The following GPC5 variants were observed in gnomAD, a reference collection of about 807,000 sequenced individuals.
The protein encoded by GPC5 is glypican 5.
In GPC5, 47 loss-of-function variants were observed where a neutral mutation model predicts 53.9. That is an observed-to-expected ratio of 0.87 (90% confidence interval 0.69 to 1.11). GPC5 has a LOEUF of 1.11. GPC5 is among the 50% of genes most tolerant of loss of function. GPC5 has a pLI of 0.00. For missense variants in GPC5, 748 were observed against 713.1 expected (o/e 1.05, Z -0.56); for synonymous variants, 286 against 263.3 (o/e 1.09, Z -0.84).
chr13:91,903,137 G>A (rs1342756719), intron 5 of GPC5, among the ~76,000 whole-genome samples: 1 of 151,688 alleles, frequency 6.6e-6, no homozygotes, highest in Admixed American at 6.6e-5. Flanking sequence ...CTCTTGTGGT[G>A]ATTTGGAACA....
chr13:92,295,751 GT>G (rs1331946432), intron 7 of GPC5, among the ~76,000 whole-genome samples: 2 of 152,272 alleles, frequency 1.3e-5, no homozygotes, highest in South Asian at 2.1e-4. Context: ...TTTAAAGCCT[GT>G]TTTGTCTGAC....
At chr13:92,793,193 C>A (rs1876529708) in intron 7 of GPC5, among the ~76,000 whole-genome samples, 1 of 152,144 alleles carries the variant, frequency 6.6e-6, no homozygotes. Context: ...GTCTCTCAGA[C>A]CACAGTGCAA....
chr13:92,561,581 A>G (rs955663029), intron 7 of GPC5, among the ~76,000 whole-genome samples: 1 of 152,040 alleles, frequency 6.6e-6, no homozygotes, highest in African/African-American at 2.4e-5. Flanking sequence ...TCATTTCCAC[A>G]CAGGTTACAT....
At chr13:91,929,078 A>C (rs1414754281) in intron 6 of GPC5, among the ~76,000 whole-genome samples, 1 of 152,112 alleles carries the variant, frequency 6.6e-6, no homozygotes, top group Non-Finnish European at 1.5e-5. Context: ...AATACTCCAC[A>C]ATCACCTTGG....
chr13:92,663,216 G>A (rs907821421), intron 7 of GPC5, among the ~76,000 whole-genome samples: 2 of 151,672 alleles, frequency 1.3e-5, no homozygotes, highest in Non-Finnish European at 2.9e-5. Context: ...TTTTTTTTTA[G>A]GCAGAAATAA....
chr13:91,530,498 T>C (rs1025608302), intron 2 of GPC5, among the ~76,000 whole-genome samples: 2 of 152,214 alleles, frequency 1.3e-5, no homozygotes, highest in African/African-American at 4.8e-5. Context: ...ATGCATAATA[T>C]GCCTCCTTCA....
intron 2 of GPC5, among the ~76,000 whole-genome samples, chr13:91,516,156 G>A (rs1885487194): frequency 6.6e-6 from 1 of 152,018 alleles, no homozygotes; most frequent in Admixed American, 6.6e-5. Flanking sequence ...AACCAATTAT[G>A]CCTCCCCAGC....
In GPC5 at chr13:91,641,361, C is replaced by A. The variant is rs1336909916; in HGVS notation, c.326-51826C>A. Among the ~76,000 whole-genome samples the A allele has an allele frequency of 3.3e-5, 5 of 152,034 alleles. No homozygotes were observed. In the South Asian group the frequency reaches 6.2e-4, roughly 19 times the overall value. On this transcript the variant is annotated intron_variant, in intron 2 of 7. Transcript: ENST00000377067. ...ATCAAAACAAAACAAAACAAACAAA[C>A]CAAAAAAACCAAACACTGCATGTTC... is the stretch of plus-strand genomic sequence containing the variant.
At chr13:91,619,013 G>A (rs1264107840) in intron 2 of GPC5, among the ~76,000 whole-genome samples, 1 of 151,930 alleles carries the variant, frequency 6.6e-6, no homozygotes, top group Admixed American at 6.6e-5. Context: ...GAAAATAAGA[G>A]GAAATTTGGC....
chr13:91,873,796 G>C (rs915267957), intron 5 of GPC5, among the ~76,000 whole-genome samples: 4 of 152,000 alleles, frequency 2.6e-5, no homozygotes, highest in African/African-American at 7.3e-5. Context: ...GACTCCTCCT[G>C]TTAGCCTCCT....
chr13:92,833,110 A>G (rs1878105465), intron 7 of GPC5, among the ~76,000 whole-genome samples: 1 of 152,206 alleles, frequency 6.6e-6, no homozygotes, highest in Non-Finnish European at 1.5e-5. Context: ...GCTGGGTTTG[A>G]GTTAATATAT....
At chr13:91,688,301 C>CAA (rs954282668) in intron 2 of GPC5, among the ~76,000 whole-genome samples, 22 of 151,816 alleles carry the variant, frequency 1.4e-4, no homozygotes, top group Non-Finnish European at 4.4e-5. Flanking sequence ...GTGATTAGGA[C>CAA]AAAAAAATTC....
At chr13:91,538,955 C>G (rs920804937) in intron 2 of GPC5, among the ~76,000 whole-genome samples, 1 of 151,970 alleles carries the variant, frequency 6.6e-6, no homozygotes, top group African/African-American at 2.4e-5. Flanking sequence ...ACAACAAACC[C>G]AAGTATCCCT....
At chr13:92,008,500 G>A (rs1195245714) in intron 6 of GPC5, among the ~76,000 whole-genome samples, 2 of 151,006 alleles carry the variant, frequency 1.3e-5, no homozygotes, top group South Asian at 2.1e-4. Flanking sequence ...AGTGCTGTTT[G>A]TTGGCAGCAC....
chr13:92,569,035 T>G (rs934665364), intron 7 of GPC5, among the ~76,000 whole-genome samples: 11 of 150,350 alleles, frequency 7.3e-5, no homozygotes, highest in Non-Finnish European at 1.6e-4. Context: ...CATTAACTCG[T>G]CATTTAGCAT....
chr13:92,732,806 G>T (rs1187459130), intron 7 of GPC5, among the ~76,000 whole-genome samples: 1 of 151,588 alleles, frequency 6.6e-6, no homozygotes, highest in Non-Finnish European at 1.5e-5. Flanking sequence ...TACTGTTTTG[G>T]TCTTTTCATA....
intron 7 of GPC5, among the ~76,000 whole-genome samples, chr13:92,838,521 A>C (rs543957299): frequency 2.0e-5 from 3 of 151,364 alleles, no homozygotes; most frequent in African/African-American, 7.3e-5. Flanking sequence ...AAGTAAACCT[A>C]CTCTATAGAA....
chr13:91,503,753 C>T (rs1161534565), intron 2 of GPC5, among the ~76,000 whole-genome samples: 3 of 147,276 alleles, frequency 2.0e-5, no homozygotes, highest in Non-Finnish European at 4.5e-5. Flanking sequence ...GCACTCCAGC[C>T]TGGGGACAGA....
chr13:91,536,688 G>A (rs189977564), intron 2 of GPC5, among the ~76,000 whole-genome samples: 24 of 152,228 alleles, frequency 1.6e-4, no homozygotes, highest in South Asian at 8.3e-4. Context: ...GCATGCCTGT[G>A]TCTATATAAG....
Sources: gnomAD v4.1 joint callset for allele counts (sites outside exome capture counted in the v4.1 genomes callset) on GRCh38, gnomAD v4.1.1 for gene constraint, MANE v1.5 for transcripts, NCBI Gene and HGNC (gene_info 2026-07-23, HGNC 2026-07-21) for gene names.